The following DPP10 variants were observed in gnomAD, a reference collection of about 807,000 sequenced individuals.
The protein encoded by DPP10 is inactive dipeptidyl peptidase 10.
In DPP10, 33 loss-of-function variants were observed where a neutral mutation model predicts 120.9. The observed-to-expected ratio is 0.27, with a 90% confidence interval of 0.21 to 0.37. The LOEUF is 0.37. Ranked by LOEUF, DPP10 falls within the 10% of genes least tolerant of loss-of-function variation. The pLI, the probability that DPP10 is intolerant of heterozygous loss-of-function variation, is 1.00. For missense variants in DPP10, 816 were observed against 942.8 expected (o/e 0.87, Z 1.76); for synonymous variants, 337 against 326.1 (o/e 1.03, Z -0.36).
At chr2:114,648,585 T>C (rs1696317947) in intron 1 of DPP10, among the ~76,000 whole-genome samples, 1 of 152,200 alleles carries the variant, frequency 6.6e-6, no homozygotes, top group African/African-American at 2.4e-5. Flanking sequence ...GACAGACATA[T>C]TTGAATGTAT....
rs191807180 is a variant in DPP10, at chr2:114,793,045, G to A, written c.60+350207G>A. Among the ~76,000 whole-genome samples, 436 of 145,088 alleles carry A rather than the reference G, an allele frequency of 3.0e-3. 2 individuals carry two copies. Among genetic ancestry groups the A allele is most frequent in the African/African-American group, 0.011 (405 of 37,884 alleles). On this transcript the variant is annotated intron_variant, in intron 1 of 25. Transcript: ENST00000410059. ...GTGTGTGTGTGTTTCTATTAATATC[G>A]TTGTTTATTTGATGCTCATATTTTC...
intron 1 of DPP10, among the ~76,000 whole-genome samples, chr2:115,079,244 G>A (rs185090120): frequency 1.7e-3 from 264 of 152,272 alleles, no homozygotes; most frequent in African/African-American, 6.0e-3. Context: ...GCCGGACGTG[G>A]TGGCGGGCAC....
At chr2:115,483,437 G>GTCTC (rs2075561734) in intron 3 of DPP10, among the ~76,000 whole-genome samples, 1 of 145,670 alleles carries the variant, frequency 6.9e-6, no homozygotes, top group African/African-American at 2.6e-5. Context: ...CTATCTGTCT[G>GTCTC]TCTATCTATC....
At chr2:114,838,548 C>T (rs567028591) in intron 1 of DPP10, among the ~76,000 whole-genome samples, 3 of 152,230 alleles carry the variant, frequency 2.0e-5, no homozygotes, top group Admixed American at 1.3e-4. Context: ...CTTCTGACCT[C>T]GGTCTCCCAA....
intron 1 of DPP10, among the ~76,000 whole-genome samples, chr2:114,982,470 G>A (rs13007253): frequency 0.26 from 38,889 of 152,002 alleles, 5,051 homozygotes; most frequent in East Asian, 0.35. Context: ...TTGTAGTGAC[G>A]GAGGTGTCTG....
At chr2:114,929,952 T>C (rs2104491850) in intron 1 of DPP10, among the ~76,000 whole-genome samples, 1 of 152,342 alleles carries the variant, frequency 6.6e-6, no homozygotes, top group Admixed American at 6.5e-5. Context: ...ATTTATGTTC[T>C]TCTGCCACGG....
intron 1 of DPP10, among the ~76,000 whole-genome samples, chr2:114,457,489 A>G (rs1439936792): frequency 6.6e-6 from 1 of 152,172 alleles, no homozygotes; most frequent in Non-Finnish European, 1.5e-5. Context: ...TTCTGGTCTC[A>G]TGGCTTCTGT....
Position 115,583,243 on chromosome 2 carries a change from T to C in DPP10, c.441+57271T>C, listed in dbSNP as rs151255501. 7.9e-5 allele frequency among the ~76,000 whole-genome samples: 12 copies of C among 152,356 alleles called. No individual in the cohort carries two copies. The East Asian group carries it at 2.3e-3, about 29-fold the overall frequency. ...ATTTGCACTCAGAATTCTTTGGTTC[T>C]ATTCCAGTTATTTACTGTTGCACAA... On this transcript the variant is annotated intron_variant, in intron 5 of 25. Coordinates refer to ENST00000410059, the MANE Select transcript of DPP10 (RefSeq NM_020868.6).
At chr2:114,814,102 A>G (rs901136139) in intron 1 of DPP10, among the ~76,000 whole-genome samples, 2 of 152,220 alleles carry the variant, frequency 1.3e-5, no homozygotes, top group African/African-American at 4.8e-5. Context: ...GGTAGACACT[A>G]TGACGGATAA....
intron 1 of DPP10, among the ~76,000 whole-genome samples, chr2:115,231,596 G>A (rs2057737376): frequency 1.3e-5 from 2 of 152,056 alleles, no homozygotes; most frequent in African/African-American, 4.8e-5. Context: ...TAGATACAAG[G>A]ATCCCTAGTT....
intron 1 of DPP10, among the ~76,000 whole-genome samples, chr2:114,891,428 A>G (rs566864267): frequency 5.9e-5 from 9 of 152,360 alleles, no homozygotes; most frequent in Non-Finnish European, 1.2e-4. Context: ...TGTGACATAC[A>G]GGTGTTAAAG....
chr2:114,759,790 C>T (rs1680114176), intron 1 of DPP10, among the ~76,000 whole-genome samples: 1 of 121,794 alleles, frequency 8.2e-6, no homozygotes, highest in South Asian at 2.5e-4. Flanking sequence ...GGAAAATTGC[C>T]AGGAACTGGT....
intron 1 of DPP10, among the ~76,000 whole-genome samples, chr2:114,457,785 G>C (rs1406579614): frequency 6.6e-6 from 1 of 152,156 alleles, no homozygotes; most frequent in Admixed American, 6.5e-5. Context: ...GGCAAAGCAG[G>C]AAGGACGCTC....
chr2:114,757,088 G>C (rs1283040941), intron 1 of DPP10, among the ~76,000 whole-genome samples: 1 of 148,362 alleles, frequency 6.7e-6, no homozygotes, highest in African/African-American at 2.5e-5. Context: ...GGAGGAGAGG[G>C]AGTAAAGGAA....
intron 1 of DPP10, among the ~76,000 whole-genome samples, chr2:115,022,762 C>T (rs1010028805): frequency 2.0e-5 from 3 of 151,922 alleles, no homozygotes; most frequent in African/African-American, 7.3e-5. Context: ...ACTATAAGGC[C>T]ATAGTCATCA....
At chr2:115,052,646 A>C (rs910029367) in intron 1 of DPP10, among the ~76,000 whole-genome samples, 3 of 152,102 alleles carry the variant, frequency 2.0e-5, no homozygotes, top group African/African-American at 7.2e-5. Flanking sequence ...TACCCACTAG[A>C]ATGGCTAAGA....
chr2:115,481,669 A>G (rs1036160992), intron 3 of DPP10, among the ~76,000 whole-genome samples: 1 of 151,960 alleles, frequency 6.6e-6, no homozygotes, highest in African/African-American at 2.4e-5. Flanking sequence ...CTTTATAGAA[A>G]CAGTGTATAA....
intron 1 of DPP10, among the ~76,000 whole-genome samples, chr2:114,513,632 AAAG>A (rs1299685079): frequency 2.0e-5 from 3 of 151,726 alleles, no homozygotes; most frequent in Non-Finnish European, 4.4e-5. Flanking sequence ...AAAAAGAAAG[AAAG>A]AAAGAAAGAA....
chr2:114,893,776 A>G (rs1047920507), intron 1 of DPP10, among the ~76,000 whole-genome samples: 5 of 152,228 alleles, frequency 3.3e-5, no homozygotes, highest in African/African-American at 1.2e-4. Flanking sequence ...TGATGCACAT[A>G]TTATCATATT....
Sources: allele counts gnomAD v4.1 joint callset (sites outside exome capture counted in the v4.1 genomes callset), GRCh38; gene constraint gnomAD v4.1.1; transcripts MANE v1.5; gene names NCBI Gene and HGNC (gene_info 2026-07-23, HGNC 2026-07-21).